The following AGMO variants were observed in gnomAD, a reference collection of about 807,000 sequenced individuals.
AGMO encodes the protein glyceryl-ether monooxygenase.
A neutral mutation model predicts 60.2 loss-of-function variants in AGMO; 75 were observed. That is an observed-to-expected ratio of 1.25 (90% CI 1.03 to 1.51). The LOEUF is 1.51. Among genes scored for constraint, AGMO ranks in the 40% most tolerant of loss-of-function variants. The probability of loss-of-function intolerance (pLI) is 0.00; values close to 1 mark genes in which losing one functional copy is unlikely to be tolerated. For missense variants in AGMO, 763 were observed against 525.5 expected, an observed-to-expected ratio of 1.45 and a Z score of -4.42; for synonymous variants, 261 against 177.1, an observed-to-expected ratio of 1.47 and a Z score of -3.76.
chr7:15,334,711 T>TA (rs1214175755), intron 12 of AGMO, among the ~76,000 whole-genome samples: 2 of 152,202 alleles, frequency 1.3e-5, no homozygotes, highest in African/African-American at 4.8e-5. Flanking sequence ...ATTGCTAAGT[T>TA]ACATGCAATG....
chr7:15,302,593 C>T (rs1040204951), intron 12 of AGMO, among the ~76,000 whole-genome samples: 1 of 152,098 alleles, frequency 6.6e-6, no homozygotes, highest in Non-Finnish European at 1.5e-5. Context: ...ATACATAAAT[C>T]AAGGAGACTG....
intron 12 of AGMO, among the ~76,000 whole-genome samples, chr7:15,311,889 TAAG>T (rs1221338196): frequency 2.0e-5 from 3 of 152,154 alleles, no homozygotes; most frequent in Non-Finnish European, 4.4e-5. Context: ...TGATATATTT[TAAG>T]AAGACAGAGA....
At chr7:15,162,440 C>A in the AGMO span, among the ~76,000 whole-genome samples, 78 of 152,134 alleles carry the variant, frequency 5.1e-4, 1 homozygote, top group Admixed American at 2.0e-3. Context: ...TGCCTGTAAT[C>A]CCAGCATTTT....
intron 12 of AGMO, among the ~76,000 whole-genome samples, chr7:15,315,466 T>C (rs969361739): frequency 1.3e-5 from 2 of 149,632 alleles, no homozygotes; most frequent in African/African-American, 4.9e-5. Flanking sequence ...GCCTCCAGAG[T>C]AGCTGGGATT....
chr7:15,244,183 A>ATAGT (rs139592261), intron 12 of AGMO, among the ~76,000 whole-genome samples: 49,305 of 151,922 alleles, frequency 0.32, 9,432 homozygotes, highest in East Asian at 0.5. Flanking sequence ...TGTACAATAA[A>ATAGT]TAGAAGGATA....
the AGMO span, among the ~76,000 whole-genome samples, chr7:15,149,427 T>G: frequency 6.6e-6 from 1 of 152,204 alleles, no homozygotes; most frequent in Non-Finnish European, 1.5e-5. Context: ...TAGTTTTTCT[T>G]CTAGGGTTTA....
chr7:15,337,588 G>A (rs755387466), intron 12 of AGMO, among the ~76,000 whole-genome samples: 4 of 152,162 alleles, frequency 2.6e-5, no homozygotes. Flanking sequence ...CACATATGTA[G>A]AGAAGAGGTC....
intron 3 of AGMO, among the ~76,000 whole-genome samples, chr7:15,460,779 A>G (rs913889059): frequency 6.6e-6 from 1 of 152,288 alleles, no homozygotes; most frequent in Admixed American, 6.5e-5. Flanking sequence ...AAGAAAAATA[A>G]AATGTATGAA....
chr7:15,207,714 C>T (rs1047523586), intron 12 of AGMO, among the ~76,000 whole-genome samples: 1 of 152,164 alleles, frequency 6.6e-6, no homozygotes, highest in African/African-American at 2.4e-5. Flanking sequence ...GTGGGCAGAT[C>T]ACGAGGTCAG....
chr7:15,245,096 G>T lies in AGMO; in HGVS notation c.1264-43737C>A, dbSNP rs544067881. Among the ~76,000 whole-genome samples, 3 of 152,252 alleles carry T rather than the reference G, an allele frequency of 2.0e-5. No individual in the cohort carries two copies. In the South Asian group the frequency reaches 6.2e-4, roughly 32 times the overall value. Reference sequence around the variant, plus strand: ...CTAAAGGTTAGCCTGTGGACTATCAGGATAAGAATGTATTCCAGATCACCT... The same window carrying T: ...CTAAAGGTTAGCCTGTGGACTATCATGATAAGAATGTATTCCAGATCACCT... On this transcript the variant is annotated intron_variant, in intron 12 of 12. Coordinates refer to ENST00000342526, the MANE Select transcript of AGMO (RefSeq NM_001004320.2).
chr7:15,535,968 G>A (rs1388516924), intron 3 of AGMO, among the ~76,000 whole-genome samples: 1 of 151,800 alleles, frequency 6.6e-6, no homozygotes, highest in African/African-American at 2.4e-5. Context: ...AATGTCTCAT[G>A]AACGACTGAG....
chr7:15,255,584 C>G (rs1397061411), intron 12 of AGMO, among the ~76,000 whole-genome samples: 1 of 150,332 alleles, frequency 6.7e-6, no homozygotes, highest in East Asian at 1.9e-4. Context: ...AGGCCAATAT[C>G]CGTGATGAAC....
intron 3 of AGMO, among the ~76,000 whole-genome samples, chr7:15,464,007 T>C (rs1782213374): frequency 6.6e-6 from 1 of 152,206 alleles, no homozygotes; most frequent in African/African-American, 2.4e-5. Context: ...TACTGAATCA[T>C]GAGAAAGTTA....
chr7:15,464,579 T>G (rs2128509758), intron 3 of AGMO, among the ~76,000 whole-genome samples: 1 of 152,262 alleles, frequency 6.6e-6, no homozygotes, highest in South Asian at 2.1e-4. Flanking sequence ...TTCAAAAAAG[T>G]TAGGTGATTA....
intron 3 of AGMO, among the ~76,000 whole-genome samples, chr7:15,463,249 G>A (rs1214137320): frequency 6.6e-6 from 1 of 152,116 alleles, no homozygotes; most frequent in Non-Finnish European, 1.5e-5. Flanking sequence ...GTCATAAGTA[G>A]AGGTAATGGA....
intron 1 of AGMO, among the ~76,000 whole-genome samples, chr7:15,561,003 C>T (rs1044757640): frequency 6.6e-6 from 1 of 152,084 alleles, no homozygotes; most frequent in East Asian, 1.9e-4. Context: ...GGATTTTACT[C>T]ATTTGGAAGC....
chr7:15,450,998 T>C (rs1296944070), intron 3 of AGMO, among the ~76,000 whole-genome samples: 2 of 152,156 alleles, frequency 1.3e-5, no homozygotes, highest in Non-Finnish European at 2.9e-5. Flanking sequence ...TAACATTGTT[T>C]TATATCTGTG....
chr7:15,146,135 A>G, the AGMO span, among the ~76,000 whole-genome samples: 1 of 152,180 alleles, frequency 6.6e-6, no homozygotes, highest in Non-Finnish European at 1.5e-5. Context: ...AGTTAATAAT[A>G]ACCACATGGT....
At chr7:15,429,364 A>G (rs1056737677) in intron 4 of AGMO, among the ~76,000 whole-genome samples, 1 of 152,048 alleles carries the variant, frequency 6.6e-6, no homozygotes, top group African/African-American at 2.4e-5. Flanking sequence ...TATCCTCCTA[A>G]AAAGGACATG....
Sources: gnomAD v4.1 joint callset for allele counts (sites outside exome capture counted in the v4.1 genomes callset) on GRCh38, gnomAD v4.1.1 for gene constraint, MANE v1.5 for transcripts, NCBI Gene and HGNC (gene_info 2026-07-23, HGNC 2026-07-21) for gene names.